The following RBFOX1 variants were observed in gnomAD, a reference collection of about 807,000 sequenced individuals.
RBFOX1 encodes the protein RNA binding protein fox-1 homolog 1.
RBFOX1 carries 8 observed loss-of-function variants against 57.7 expected under a neutral mutation model. That is an observed-to-expected ratio of 0.14 (90% CI 0.08 to 0.25). The LOEUF is 0.25. Among genes scored for constraint, RBFOX1 ranks in the 10% least tolerant of loss-of-function variants. RBFOX1 has a pLI of 1.00. For missense variants in RBFOX1, 611 were observed against 548.5 expected (o/e 1.11, Z -1.14); for synonymous variants, 326 against 222.4 (o/e 1.47, Z -4.15).
chr16:6,035,304 C>T (rs760067334), intron 1 of RBFOX1, among the ~76,000 whole-genome samples: 6 of 152,306 alleles, frequency 3.9e-5, no homozygotes, highest in South Asian at 2.1e-4. Context: ...TCCATTCAGC[C>T]GTCTCAGCCA....
chr16:6,519,844 G>A (rs556160705), intron 2 of RBFOX1, among the ~76,000 whole-genome samples: 1 of 152,184 alleles, frequency 6.6e-6, no homozygotes, highest in East Asian at 1.9e-4. Context: ...AGGACTGAGG[G>A]TTAGCAAGAT....
intron 2 of RBFOX1, among the ~76,000 whole-genome samples, chr16:6,328,756 A>G (rs2082664288): frequency 6.6e-6 from 1 of 152,134 alleles, no homozygotes; most frequent in African/African-American, 2.4e-5. Flanking sequence ...GGAGGAGGGG[A>G]TGCCTGTTAG....
chr16:6,210,335 A>C (rs28376676), intron 1 of RBFOX1, among the ~76,000 whole-genome samples: 12 of 112,254 alleles, frequency 1.1e-4, no homozygotes, highest in Non-Finnish European at 2.3e-4. Context: ...AAAACAAAAA[A>C]ACAAAAAAAC....
chr16:6,321,251 T>G (rs1470017152), intron 2 of RBFOX1, among the ~76,000 whole-genome samples: 3 of 152,212 alleles, frequency 2.0e-5, no homozygotes, highest in Non-Finnish European at 4.4e-5. Context: ...AGTTCATTAA[T>G]TTAAATTTAA....
At chr16:6,979,946 T>TG (rs1044924373) in intron 3 of RBFOX1, among the ~76,000 whole-genome samples, 13 of 152,258 alleles carry the variant, frequency 8.5e-5, no homozygotes, top group African/African-American at 3.1e-4. Flanking sequence ...GAGAGGTCTC[T>TG]GGGGAAGCTT....
At chr16:5,317,199 C>T (rs1431799327) in intron 1 of RBFOX1, among the ~76,000 whole-genome samples, 1 of 151,296 alleles carries the variant, frequency 6.6e-6, no homozygotes, top group Admixed American at 6.6e-5. Context: ...CCTTTCTTCT[C>T]TCTCTCTCTC....
At chr16:6,616,811 C>G (rs111815793) in intron 2 of RBFOX1, among the ~76,000 whole-genome samples, 335 of 152,324 alleles carry the variant, frequency 2.2e-3, no homozygotes, top group Non-Finnish European at 4.0e-3. Flanking sequence ...CTGATTAATG[C>G]TGCCATAATC....
Position 6,390,659 on chromosome 16 carries a change from GTC to G in RBFOX1, c.-64+73606_-64+73607del, listed in dbSNP as rs58533276. 2.6e-3 allele frequency among the ~76,000 whole-genome samples: 403 copies of G among 152,258 alleles called. 2 individuals carry two copies. Among genetic ancestry groups the G allele is most frequent in the African/African-American group, 9.2e-3 (384 of 41,546 alleles). ...GATGCGACAGTATATGGCTAGGTGAGTCTCTAAGCTTAGGTTATAAATGATGA... is the reference window on the plus strand; with the variant it reads ...GATGCGACAGTATATGGCTAGGTGAGTCTAAGCTTAGGTTATAAATGATGA... On this transcript the variant is annotated intron_variant, in intron 2 of 15. Coordinates refer to ENST00000550418, the MANE Select transcript of RBFOX1 (RefSeq NM_018723.4).
intron 1 of RBFOX1, among the ~76,000 whole-genome samples, chr16:5,390,941 TG>T (rs1272031296): frequency 6.6e-6 from 1 of 152,174 alleles, no homozygotes; most frequent in Admixed American, 6.5e-5. Context: ...GTGGTGCGTT[TG>T]GGGGCCTTAT....
At chr16:5,568,177 C>T (rs1439144964) in intron 2 of RBFOX1, among the ~76,000 whole-genome samples, 1 of 152,166 alleles carries the variant, frequency 6.6e-6, no homozygotes, top group Non-Finnish European at 1.5e-5. Flanking sequence ...TCCCCTGTGC[C>T]CTCTCCTTCC....
At chr16:5,826,398 T>C (rs1223733858) in intron 3 of RBFOX1, among the ~76,000 whole-genome samples, 1 of 152,148 alleles carries the variant, frequency 6.6e-6, no homozygotes, top group Non-Finnish European at 1.5e-5. Context: ...TTTCAGATGT[T>C]TTGAAAGTCT....
chr16:6,468,622 T>C (rs905150975), intron 2 of RBFOX1, among the ~76,000 whole-genome samples: 1 of 152,180 alleles, frequency 6.6e-6, no homozygotes, highest in African/African-American at 2.4e-5. Context: ...TGACTTTTTT[T>C]TTTTGCCTTT....
intron 1 of RBFOX1, chr16:6,038,455 T>G (rs1363240146): frequency 6.7e-6 from 1 of 149,822 alleles, no homozygotes; most frequent in Non-Finnish European, 1.5e-5. Flanking sequence ...GTGCTGGAAT[T>G]ACAGGTGTGA....
At chr16:6,099,964 C>T (rs1179231745) in intron 1 of RBFOX1, among the ~76,000 whole-genome samples, 1 of 152,100 alleles carries the variant, frequency 6.6e-6, no homozygotes, top group Admixed American at 6.5e-5. Context: ...GGTGTAACAG[C>T]CTCATTCTGA....
At chr16:5,312,386 G>A (rs962921965) in intron 1 of RBFOX1, among the ~76,000 whole-genome samples, 3 of 152,134 alleles carry the variant, frequency 2.0e-5, no homozygotes, top group Admixed American at 6.5e-5. Context: ...TGGCACGTTC[G>A]TGGCTCACTG....
intron 3 of RBFOX1, among the ~76,000 whole-genome samples, chr16:6,831,254 T>C (rs935233434): frequency 6.6e-6 from 1 of 152,236 alleles, no homozygotes; most frequent in African/African-American, 2.4e-5. Context: ...ATTTTAACTC[T>C]ATTCTTGGCT....
intron 4 of RBFOX1, among the ~76,000 whole-genome samples, chr16:7,162,566 C>G (rs2078562397): frequency 9.8e-6 from 1 of 101,888 alleles, no homozygotes. Flanking sequence ...CCTGTCTCTA[C>G]TAAAAAAAAA....
intron 3 of RBFOX1, among the ~76,000 whole-genome samples, chr16:6,760,778 C>T (rs113547557): frequency 5.9e-5 from 9 of 152,292 alleles, no homozygotes; most frequent in African/African-American, 1.7e-4. Context: ...TGAGCAGTCA[C>T]GTATTTCACA....
At chr16:6,184,449 C>G (rs189575506) in intron 1 of RBFOX1, among the ~76,000 whole-genome samples, 103 of 152,162 alleles carry the variant, frequency 6.8e-4, no homozygotes, top group African/African-American at 2.3e-3. Context: ...GAGAAGTGGT[C>G]AGAGTTTGGA....
Sources: gnomAD v4.1 joint callset for allele counts (sites outside exome capture counted in the v4.1 genomes callset) on GRCh38, gnomAD v4.1.1 for gene constraint, MANE v1.5 for transcripts, NCBI Gene and HGNC (gene_info 2026-07-23, HGNC 2026-07-21) for gene names.